Variants in RNF14 observed in about 807,000 individuals in gnomAD.
RNF14 encodes the protein E3 ubiquitin-protein ligase RNF14.
RNF14 carries 26 observed loss-of-function variants against 52.6 expected under a neutral mutation model. The ratio of observed to expected loss-of-function variants is 0.49; its 90% CI spans 0.36 to 0.69. The LOEUF (loss-of-function observed/expected upper bound fraction) is 0.69, where lower values mean the gene tolerates loss of function less well. Among genes scored for constraint, RNF14 ranks in the 30% least tolerant of loss-of-function variants. The probability of loss-of-function intolerance (pLI) is 0.00; values close to 1 mark genes in which losing one functional copy is unlikely to be tolerated. For missense variants in RNF14, 404 were observed against 560.4 expected (o/e 0.72, Z 2.82); for synonymous variants, 194 against 202.0 (o/e 0.96, Z 0.34).
At chr5:141,972,053 A>G (rs1225546892) in intron 2 of RNF14, among the ~76,000 whole-genome samples, 1 of 152,138 alleles carries the variant, frequency 6.6e-6, no homozygotes, top group Non-Finnish European at 1.5e-5. Flanking sequence ...TAAATTGGTG[A>G]CTGCTTGGAT....
chr5:141,956,727 A>G (rs1228783025), upstream of RNF14: 6 of 1,614,108 alleles, frequency 3.7e-6, no homozygotes, highest in Non-Finnish European at 5.1e-6. Flanking sequence ...CTGCCATGAC[A>G]AGAGCAATAA....
At chr5:141,950,516 C>A in the RNF14 span, among the ~76,000 whole-genome samples, 1 of 152,192 alleles carries the variant, frequency 6.6e-6, no homozygotes, top group Non-Finnish European at 1.5e-5. Context: ...AAGGGGTTCT[C>A]TTTAATCAAC....
At chr5:141,967,370 A>C (rs1186980309), upstream of RNF14, among the ~76,000 whole-genome samples, 1 of 152,232 alleles carries the variant, frequency 6.6e-6, no homozygotes, top group Non-Finnish European at 1.5e-5. Flanking sequence ...GTATTTGATT[A>C]CATGAGTAAG....
chr5:141,978,885 T>C, intron 5 of RNF14, 55 bp downstream of exon 5: 1 of 1,570,240 alleles, frequency 6.4e-7, no homozygotes, highest in Non-Finnish European at 8.7e-7. Context: ...TAAATGGAGA[T>C]ATCATCTCAG....
At position 141,989,253 on chromosome 5, in the gene RNF14, A is replaced by G. The variant is rs578176117; in HGVS notation, c.*1463A>G. On this transcript the variant is annotated 3_prime_UTR_variant, in exon 9 of 9. Coordinates refer to ENST00000394520, the MANE Select transcript of RNF14 (RefSeq NM_004290.5). ...ATCACATTTTAAAACTGTTCGGCAT[A>G]TAACATATTCTTAAAGTAAGAAAAA... 2 of 152,458 alleles carry G rather than the reference A, an allele frequency of 1.3e-5. No homozygotes were observed. Among genetic ancestry groups the G allele is most frequent in the Non-Finnish European group, 1.5e-5 (1 of 68,036 alleles). The allele number at this position is 152,458 out of a possible 1,614,324, so 9.4% of individuals were successfully genotyped here.
At chr5:141,962,874 G>C (rs1282452063), upstream of RNF14, among the ~76,000 whole-genome samples, 1 of 152,220 alleles carries the variant, frequency 6.6e-6, no homozygotes, top group African/African-American at 2.4e-5. Flanking sequence ...CTGGTGTACA[G>C]ATTTCAATTT....
rs375343745 is a variant in RNF14 at position 141,978,565 on chromosome 5, A to C, written c.569A>C (p.Asp190Ala). ...ATTGTGGATGAGAGAGCAGTGCAGG[A>C]TGTGGAATCACTGTCAAATCTGATC... ...EEIVDERAVQ[D>A]VESLSNLIQE... The change falls in exon 5 of 9, where the codon GAT (aspartate) becomes GCT (alanine). Residue 190 changes from aspartate to alanine, a missense_variant. By Grantham distance (126) the Asp-to-Ala change is moderately radical. Coordinates refer to ENST00000394520, the MANE Select transcript of RNF14 (RefSeq NM_004290.5). 19 of 1,614,044 alleles carry C rather than the reference A, an allele frequency of 1.2e-5. No homozygotes were observed. Among genetic ancestry groups the C allele is most frequent in the Non-Finnish European group, 1.5e-5 (18 of 1,179,998 alleles).
At chr5:141,982,354 G>A (rs1018429530) in intron 6 of RNF14, among the ~76,000 whole-genome samples, 1 of 152,212 alleles carries the variant, frequency 6.6e-6, no homozygotes, top group East Asian at 1.9e-4. Flanking sequence ...TAGAGGTGAT[G>A]AAGCTGTGGG....
chr5:141,949,349 C>T, the RNF14 span: 3 of 1,496,690 alleles, frequency 2.0e-6, 1 homozygote, highest in South Asian at 2.8e-5. Flanking sequence ...ATGGCTTTTC[C>T]CTGCAGTGGA....
intron 4 of RNF14, 51 bp from the exon 5 acceptor site, chr5:141,978,252 A>G (rs769972507): frequency 6.7e-7 from 1 of 1,483,256 alleles, no homozygotes; most frequent in Admixed American, 2.2e-5. Flanking sequence ...AGGAGTTGGC[A>G]GCAGCATCAT....
chr5:141,987,679 A>G, intron 8 of RNF14, 54 bp from the exon 9 acceptor site: 2 of 1,552,772 alleles, frequency 1.3e-6, no homozygotes, highest in East Asian at 2.2e-5. Context: ...CGGAGAGGCA[A>G]TTTATATTGT....
At chr5:141,985,551 G>A (rs1276719453) in intron 8 of RNF14, among the ~76,000 whole-genome samples, 1 of 151,894 alleles carries the variant, frequency 6.6e-6, no homozygotes, top group African/African-American at 2.4e-5. Flanking sequence ...TGTGTTTTGT[G>A]AACATTCACT....
intron 8 of RNF14, among the ~76,000 whole-genome samples, chr5:141,985,549 G>A (rs986244286): frequency 1.3e-5 from 2 of 151,650 alleles, no homozygotes; most frequent in African/African-American, 2.4e-5. Context: ...TGTGTGTTTT[G>A]TGAACATTCA....
chr5:141,974,675 G>T, intron 3 of RNF14, 129 bp from the exon 4 acceptor site: 3 of 821,760 alleles, frequency 3.7e-6, no homozygotes, highest in African/African-American at 1.8e-5. Context: ...TTAAGAAATA[G>T]AAAGTGCTTT....
At chr5:141,955,072 C>G (rs1394138096), upstream of RNF14, 2 of 1,614,058 alleles carry the variant, frequency 1.2e-6, no homozygotes, top group African/African-American at 1.3e-5. This position sits in a 1 kb window ranked among gnomAD's most constrained non-coding sequence, Gnocchi z 5.5. Flanking sequence ...CTGACGGGGC[C>G]CTGATTCTTT....
chr5:141,962,683 T>C (rs552304600), upstream of RNF14, among the ~76,000 whole-genome samples: 28 of 152,354 alleles, frequency 1.8e-4, no homozygotes, highest in East Asian at 3.1e-3. Flanking sequence ...TTGCAAATTA[T>C]AGACCTCCTT....
At chr5:141,957,951 C>T, upstream of RNF14, 1 of 1,395,692 alleles carries the variant, frequency 7.2e-7, no homozygotes, top group Non-Finnish European at 9.7e-7. The surrounding 1 kb of genome is among the most constrained non-coding windows in gnomAD (Gnocchi z 4.3). Flanking sequence ...GCCCCGTGCT[C>T]CTTCCCCCAG....
chr5:141,979,222 AGGTGGT>A (rs201481031), intron 5 of RNF14, among the ~76,000 whole-genome samples: 2 of 56,682 alleles, frequency 3.5e-5, no homozygotes, highest in African/African-American at 1.2e-4. Context: ...CAGCCTACTT[AGGTGGT>A]GGTGGTGTTG....
At chr5:141,984,765 C>T in intron 7 of RNF14, 38 bp from the exon 8 acceptor site, 1 of 1,607,126 alleles carries the variant, frequency 6.2e-7, no homozygotes, top group Non-Finnish European at 8.5e-7. Flanking sequence ...TCTGCTTTTA[C>T]AGCCTTGATA....
Sources: gnomAD v4.1 joint callset for allele counts (sites outside exome capture counted in the v4.1 genomes callset) on GRCh38, gnomAD v4.1.1 for gene constraint, Gnocchi (gnomAD v3.1) non-coding constraint, MANE v1.5 for transcripts, NCBI Gene and HGNC (gene_info 2026-07-23, HGNC 2026-07-21) for gene names.